NALF1: variants seen among roughly 807,000 people sequenced by gnomAD.
NALF1 encodes the protein NALCN channel auxiliary factor 1, also known as family with sequence similarity 155 member A.
A neutral mutation model predicts 48.4 loss-of-function variants in NALF1; 3 were observed. The ratio of observed to expected loss-of-function variants is 0.06; its 90% CI spans 0.03 to 0.16. NALF1 has a LOEUF of 0.16. Among genes scored for constraint, NALF1 ranks in the 10% least tolerant of loss-of-function variants. The probability of loss-of-function intolerance (pLI) is 1.00; values close to 1 mark genes in which losing one functional copy is unlikely to be tolerated. For synonymous variants in NALF1, 262 were observed against 245.7 expected, an observed-to-expected ratio of 1.07 and a Z score of -0.62; for missense variants, 526 against 571.5, an observed-to-expected ratio of 0.92 and a Z score of 0.81.
At chr13:107,175,516 T>C (rs1878908996) in intron 2 of NALF1, among the ~76,000 whole-genome samples, 1 of 152,206 alleles carries the variant, frequency 6.6e-6, no homozygotes, top group African/African-American at 2.4e-5. Context: ...TTTGATTCTT[T>C]TGGATTTATG....
Position 107,219,555 on chromosome 13 carries a change from G to T in NALF1, c.916-8800C>A, listed in dbSNP as rs1197176026. On this transcript the variant is annotated intron_variant, in intron 1 of 2. Transcript: ENST00000375915. Reference sequence around the variant, plus strand: ...GATAATATATTCACCAAGGATAGGAGAAGAGAGAATGTGTTAGGCTTTCCT... The same window carrying T: ...GATAATATATTCACCAAGGATAGGATAAGAGAGAATGTGTTAGGCTTTCCT... 2.6e-5 allele frequency among the ~76,000 whole-genome samples: 4 copies of T among 152,328 alleles called. No individual in the cohort carries two copies. In the East Asian group the frequency reaches 7.7e-4, roughly 29 times the overall value.
rs1348638189 is a variant in NALF1, at chr13:107,390,195, T to G, written c.916-179440A>C. On this transcript the variant is annotated intron_variant, in intron 1 of 2. Coordinates refer to ENST00000375915, the MANE Select transcript of NALF1 (RefSeq NM_001080396.3). ...GACCATAGTGAAACCCCATCTCTAC[T>G]AAAAATATAAAAATTAGCCTGGCGT... Among the ~76,000 whole-genome samples, 3 of 151,836 alleles carry G rather than the reference T, an allele frequency of 2.0e-5. No individual in the cohort carries two copies. The East Asian group carries it at 5.8e-4, about 29-fold the overall frequency.
chr13:107,543,787 G>A (rs1877061087), intron 1 of NALF1, among the ~76,000 whole-genome samples: 1 of 151,452 alleles, frequency 6.6e-6, no homozygotes, highest in Non-Finnish European at 1.5e-5. Context: ...ATGTATATGT[G>A]TATATATACA....
chr13:107,542,246 T>C (rs1378859083), intron 1 of NALF1, among the ~76,000 whole-genome samples: 1 of 152,112 alleles, frequency 6.6e-6, no homozygotes, highest in African/African-American at 2.4e-5. Flanking sequence ...CCACATATTA[T>C]ATGATTCCAT....
At position 107,734,401 on chromosome 13, in the gene NALF1, TAA is replaced by T. The variant is rs67690511; in HGVS notation, c.915+131279_915+131280del. The stretch of plus-strand genomic sequence containing the variant: ...AGAAAATCTATGGGTATTTTTCCTT[TAA>T]AAAAAAACACACACACACACACACA... On this transcript the variant is annotated intron_variant, in intron 1 of 2. Transcript: ENST00000375915. Among the ~76,000 whole-genome samples the T allele has an allele frequency of 4.8e-5, 7 of 146,550 alleles. No individual in the cohort carries two copies. In the East Asian group the frequency reaches 8.0e-4, roughly 17 times the overall value.
At chr13:107,739,884 T>C (rs1876583394) in intron 1 of NALF1, among the ~76,000 whole-genome samples, 1 of 152,238 alleles carries the variant, frequency 6.6e-6, no homozygotes, top group African/African-American at 2.4e-5. Context: ...GGATCTAGGT[T>C]GTGTGCTACT....
intron 1 of NALF1, among the ~76,000 whole-genome samples, chr13:107,784,583 G>T (rs1052068525): frequency 6.6e-6 from 1 of 152,068 alleles, no homozygotes; most frequent in African/African-American, 2.4e-5. Context: ...CAAAAAGTGG[G>T]CTAAGGACAT....
chr13:107,171,254 CTCA>C (rs1181642384), intron 2 of NALF1, among the ~76,000 whole-genome samples: 1 of 152,200 alleles, frequency 6.6e-6, no homozygotes, highest in East Asian at 1.9e-4. Context: ...TCTCAGAAGC[CTCA>C]TCAAGTCTTC....
chr13:107,752,641 T>G lies in NALF1; in HGVS notation c.915+113041A>C, dbSNP rs1371229649. On this transcript the variant is annotated intron_variant, in intron 1 of 2. Coordinates refer to ENST00000375915, the MANE Select transcript of NALF1 (RefSeq NM_001080396.3). ...AATACTACATTATTTCACTTATATA[T>G]GAAATCTTAAAAAGTTCCTTCTGAA... Among the ~76,000 whole-genome samples the G allele has an allele frequency of 3.3e-5, 5 of 152,182 alleles. No individual in the cohort carries two copies. In the East Asian group the frequency reaches 9.6e-4, roughly 29 times the overall value.
At chr13:107,606,470 A>G (rs1313592789) in intron 1 of NALF1, among the ~76,000 whole-genome samples, 3 of 152,002 alleles carry the variant, frequency 2.0e-5, no homozygotes, top group Non-Finnish European at 4.4e-5. Flanking sequence ...GGTTCAAGCG[A>G]TTCTCCTGCC....
chr13:107,346,195 T>C (rs79120002), intron 1 of NALF1, among the ~76,000 whole-genome samples: 7,863 of 152,068 alleles, frequency 0.052, 282 homozygotes, highest in African/African-American at 0.086. Flanking sequence ...TAAATTGGCA[T>C]AGCTATTATG....
chr13:107,480,422 T>C (rs1885237273), intron 1 of NALF1, among the ~76,000 whole-genome samples: 1 of 152,194 alleles, frequency 6.6e-6, no homozygotes, highest in Non-Finnish European at 1.5e-5. Flanking sequence ...ATATTTTGAC[T>C]CAAATTGATT....
rs138548263 is a variant in NALF1 at position 107,265,509 on chromosome 13, T to A, written c.916-54754A>T. Among the ~76,000 whole-genome samples, 437 of 152,240 alleles carry A rather than the reference T, an allele frequency of 2.9e-3. 6 individuals carry two copies. Among genetic ancestry groups the A allele is most frequent in the African/African-American group, 0.01 (420 of 41,556 alleles). On this transcript the variant is annotated intron_variant, in intron 1 of 2. Transcript: ENST00000375915. ...ATCTTGGCTCACTGCAACCTCAGCC[T>A]CCCAGGTTCAAGCAATTTTCCTGTC...
chr13:107,409,677 C>T (rs1883956881), intron 1 of NALF1, among the ~76,000 whole-genome samples: 1 of 152,152 alleles, frequency 6.6e-6, no homozygotes, highest in Non-Finnish European at 1.5e-5. Flanking sequence ...TCACAATGAC[C>T]AATCAAATTG....
At chr13:107,415,437 A>G (rs1277827213) in intron 1 of NALF1, among the ~76,000 whole-genome samples, 2 of 152,024 alleles carry the variant, frequency 1.3e-5, no homozygotes, top group East Asian at 1.9e-4. Context: ...GCAACAGTAC[A>G]TACTGTACTA....
rs1878782289 is a variant in NALF1, at chr13:107,170,662, G to A, written c.1212C>T (p.Leu404=). 1.9e-6 allele frequency: 3 copies of A among 1,614,202 alleles called. No individual in the cohort carries two copies. The highest frequency in any genetic ancestry group is 1.7e-6 in the Non-Finnish European group (2 of 1,180,046). The change falls in exon 3 of 3, where the codon CTC becomes CTT. Residue 404 remains leucine, a synonymous_variant. Transcript: ENST00000375915. ...ACAGTCTTGTTGCTGATGACACTGT[G>A]AGCGATGTCCTGTGACAGGAGCCAC... ...EKSGSCHRTS[L]TVSSATRLCN... is the part of the protein sequence containing the mutation.
At chr13:107,411,073 G>A (rs1262468453) in intron 1 of NALF1, among the ~76,000 whole-genome samples, 3 of 152,084 alleles carry the variant, frequency 2.0e-5, no homozygotes, top group African/African-American at 7.2e-5. Flanking sequence ...GAAATAATAC[G>A]TTTCCTTTAG....
chr13:107,358,896 T>G (rs1445183782), intron 1 of NALF1, among the ~76,000 whole-genome samples: 1 of 152,164 alleles, frequency 6.6e-6, no homozygotes, highest in Non-Finnish European at 1.5e-5. Context: ...TTTATGAACA[T>G]TTCAACCACA....
At position 107,866,626 on chromosome 13, in the gene NALF1, C is replaced by G. The variant is rs1469691247; in HGVS notation, c.-30G>C. On this transcript the variant is annotated 5_prime_UTR_variant, in exon 1 of 3. Transcript: ENST00000375915. The surrounding 1 kb of genome is among the most constrained non-coding windows in gnomAD (Gnocchi z 4.4). ...TGGGAACGCACAGCCCTGGCCGACT[C>G]CACCGTGAGGGCGCCTGTGCCGGTG... 12 of 1,566,592 alleles carry G rather than the reference C, an allele frequency of 7.7e-6. No homozygotes were observed. Among genetic ancestry groups the G allele is most frequent in the Non-Finnish European group, 9.5e-6 (11 of 1,162,136 alleles).
Sources: allele counts gnomAD v4.1 joint callset (sites outside exome capture counted in the v4.1 genomes callset), GRCh38; gene constraint gnomAD v4.1.1; non-coding constraint Gnocchi (gnomAD v3.1); transcripts MANE v1.5; gene names NCBI Gene and HGNC (gene_info 2026-07-23, HGNC 2026-07-21).